SEMA3E: variants seen among roughly 807,000 people sequenced by gnomAD.
SEMA3E encodes semaphorin-3E.
Under a neutral mutation model 93.6 loss-of-function variants are expected in SEMA3E, and 49 were observed. The observed-to-expected ratio is 0.52, with a 90% confidence interval of 0.42 to 0.66. SEMA3E has a LOEUF of 0.66. Ranked by LOEUF, SEMA3E falls within the 30% of genes least tolerant of loss-of-function variation. The pLI is 0.00. For synonymous variants in SEMA3E, 363 were observed against 330.7 expected, an observed-to-expected ratio of 1.10 and a Z score of -1.06; for missense variants, 906 against 964.8, an observed-to-expected ratio of 0.94 and a Z score of 0.81.
intron 1 of SEMA3E, among the ~76,000 whole-genome samples, chr7:83,528,417 G>T (rs1286850472): frequency 6.6e-6 from 1 of 152,088 alleles, no homozygotes. Flanking sequence ...TTTAAGACTA[G>T]CTGGGATTTA....
intron 1 of SEMA3E, among the ~76,000 whole-genome samples, chr7:83,532,830 T>C (rs1441374475): frequency 6.6e-6 from 1 of 152,126 alleles, no homozygotes; most frequent in Non-Finnish European, 1.5e-5. Context: ...TATGAGGCTT[T>C]ATCTTGCTTC....
intron 1 of SEMA3E, among the ~76,000 whole-genome samples, chr7:83,584,238 T>G (rs1158821151): frequency 1.3e-5 from 2 of 152,102 alleles, no homozygotes; most frequent in East Asian, 3.9e-4. Flanking sequence ...TAATAAACAT[T>G]TTACAAATAG....
chr7:83,594,304 TA>T (rs1306877238), intron 1 of SEMA3E, among the ~76,000 whole-genome samples: 1 of 152,168 alleles, frequency 6.6e-6, no homozygotes, highest in Non-Finnish European at 1.5e-5. Flanking sequence ...CTTTGTTCCA[TA>T]AGAGGGCACC....
chr7:83,625,365 G>A (rs528484618), intron 1 of SEMA3E, among the ~76,000 whole-genome samples: 3 of 152,286 alleles, frequency 2.0e-5, no homozygotes. Flanking sequence ...AGCATGGAAT[G>A]TTTTTCCATT....
At chr7:83,567,358 A>G (rs1792183226) in intron 1 of SEMA3E, among the ~76,000 whole-genome samples, 1 of 152,162 alleles carries the variant, frequency 6.6e-6, no homozygotes, top group Non-Finnish European at 1.5e-5. Flanking sequence ...ATTTAGACAG[A>G]AAATTAACAA....
At chr7:83,509,880 G>T (rs1584298239) in intron 1 of SEMA3E, among the ~76,000 whole-genome samples, 1 of 152,112 alleles carries the variant, frequency 6.6e-6, no homozygotes, top group East Asian at 1.9e-4. Context: ...TAGTCCCTGG[G>T]TTCACAAGCT....
chr7:83,474,081 G>T (rs999957526), intron 2 of SEMA3E, among the ~76,000 whole-genome samples: 3 of 136,414 alleles, frequency 2.2e-5, no homozygotes, highest in African/African-American at 8.3e-5. Flanking sequence ...AACAGAGTGA[G>T]ACTCTATCTC....
chr7:83,400,154 C>G lies in SEMA3E; in HGVS notation c.1240G>C (p.Ala414Pro). Residue 414 changes from alanine (A) to proline (P), a missense_variant, in exon 11 of 17, where the codon GCC (alanine) becomes CCC (proline). Physicochemically the swap from Ala to Pro is conservative, Grantham distance 27. Coordinates refer to ENST00000643230, the MANE Select transcript of SEMA3E (RefSeq NM_012431.3). ...FARSHPLMYQ[A>P]IKPAHKKPIL... ...GGTTTTTTATGGGCAGGTTTTATGGCCTGGTACATTAGTGGATGACTTCTT... is the reference window on the plus strand; with the variant it reads ...GGTTTTTTATGGGCAGGTTTTATGGGCTGGTACATTAGTGGATGACTTCTT... 6.2e-7 allele frequency: 1 copy of G among 1,613,924 alleles called. No individual in the cohort carries two copies. The highest frequency in any genetic ancestry group is 8.5e-7 in the Non-Finnish European group (1 of 1,179,952).
At chr7:83,592,569 T>G (rs1792776134) in intron 1 of SEMA3E, among the ~76,000 whole-genome samples, 1 of 152,180 alleles carries the variant, frequency 6.6e-6, no homozygotes, top group African/African-American at 2.4e-5. Flanking sequence ...TTATCAATAT[T>G]TGATGATTGA....
Position 83,410,320 on chromosome 7 carries a change from T to G in SEMA3E, c.551-1833A>C, listed in dbSNP as rs1457418038. Reference sequence around the variant, plus strand: ...GTTTTACTTCAAATTTCTTTGTATTTGAAAATTTTCAAGATCACAGAGTTT... The same window carrying G: ...GTTTTACTTCAAATTTCTTTGTATTGGAAAATTTTCAAGATCACAGAGTTT... On this transcript the variant is annotated intron_variant, in intron 5 of 16. Transcript: ENST00000643230. Among the ~76,000 whole-genome samples the G allele has an allele frequency of 3.9e-5, 6 of 152,026 alleles. No homozygotes were observed. The East Asian group carries it at 1.2e-3, about 29-fold the overall frequency.
At chr7:83,508,892 A>T in intron 1 of SEMA3E, among the ~76,000 whole-genome samples, 1 of 152,206 alleles carries the variant, frequency 6.6e-6, no homozygotes, top group East Asian at 1.9e-4. Context: ...CCAAAAAGAC[A>T]AAAACATACT....
rs1787988195 is a variant in SEMA3E at position 83,390,206 on chromosome 7, CATAT to C, written c.1667+2345_1667+2348del. 3.6e-4 allele frequency among the ~76,000 whole-genome samples: 30 copies of C among 82,562 alleles called. 7 individuals are homozygous for C. The highest frequency in any genetic ancestry group is 4.9e-4 in the Non-Finnish European group (22 of 45,046). 54.2% of individuals were successfully genotyped at this position (82,562 alleles called of 152,430 possible). On this transcript the variant is annotated intron_variant, in intron 14 of 16. Transcript: ENST00000643230. ...ACATATATGCGCGTATACGTGTGCA[CATAT>C]ATGCGCGTATATATGCGCGTATATA...
At chr7:83,490,913 C>T (rs1178621159) in intron 1 of SEMA3E, among the ~76,000 whole-genome samples, 3 of 152,090 alleles carry the variant, frequency 2.0e-5, no homozygotes, top group African/African-American at 4.8e-5. Context: ...TGGCAAACCT[C>T]TCATGTGTGT....
At chr7:83,377,408 G>C (rs1468387578) in intron 16 of SEMA3E, among the ~76,000 whole-genome samples, 1 of 151,882 alleles carries the variant, frequency 6.6e-6, no homozygotes, top group Non-Finnish European at 1.5e-5. Context: ...TTTTGGCTTT[G>C]CAAGTCCTGT....
intron 1 of SEMA3E, among the ~76,000 whole-genome samples, chr7:83,644,260 GAGTTATT>G (rs1794051773): frequency 1.3e-5 from 2 of 151,704 alleles, no homozygotes; most frequent in Non-Finnish European, 2.9e-5. Flanking sequence ...ATCATCTTCT[GAGTTATT>G]ATAACTAGAG....
At chr7:83,590,276 A>G (rs1000798988) in intron 1 of SEMA3E, among the ~76,000 whole-genome samples, 15 of 152,128 alleles carry the variant, frequency 9.9e-5, no homozygotes, top group African/African-American at 3.1e-4. Context: ...TATATCAGAG[A>G]TATTTAGAAA....
intron 1 of SEMA3E, among the ~76,000 whole-genome samples, chr7:83,636,070 G>A (rs761731957): frequency 2.0e-5 from 3 of 152,100 alleles, no homozygotes; most frequent in Non-Finnish European, 4.4e-5. Flanking sequence ...TGGAAATTGG[G>A]AGATCATGAT....
At chr7:83,545,496 T>C (rs1289109985) in intron 1 of SEMA3E, among the ~76,000 whole-genome samples, 1 of 149,568 alleles carries the variant, frequency 6.7e-6, no homozygotes, top group African/African-American at 2.5e-5. Context: ...TCCAGTGTGA[T>C]ACCCTTCCTT....
intron 1 of SEMA3E, among the ~76,000 whole-genome samples, chr7:83,623,826 T>C (rs1175712699): frequency 6.6e-6 from 1 of 151,200 alleles, no homozygotes; most frequent in Non-Finnish European, 1.5e-5. Flanking sequence ...GCTGCACCCA[T>C]CAACCCATCA....
Sources: allele counts gnomAD v4.1 joint callset (sites outside exome capture counted in the v4.1 genomes callset), GRCh38; gene constraint gnomAD v4.1.1; transcripts MANE v1.5; gene names NCBI Gene and HGNC (gene_info 2026-07-23, HGNC 2026-07-21).